GALNTL6: variants seen among roughly 807,000 people sequenced by gnomAD.
The protein encoded by GALNTL6 is polypeptide N-acetylgalactosaminyltransferase like 6.
GALNTL6 carries 46 observed loss-of-function variants against 73.7 expected under a neutral mutation model. The observed-to-expected ratio is 0.62, with a 90% confidence interval of 0.49 to 0.80. The LOEUF is 0.80. Among genes scored for constraint, GALNTL6 ranks in the 30% least tolerant of loss-of-function variants. The pLI is 0.00. For synonymous variants in GALNTL6, 259 were observed against 263.7 expected, an observed-to-expected ratio of 0.98 and a Z score of 0.17; for missense variants, 604 against 755.0, an observed-to-expected ratio of 0.80 and a Z score of 2.34.
At chr4:172,833,492 A>G (rs1270106201) in intron 7 of GALNTL6, among the ~76,000 whole-genome samples, 2 of 152,124 alleles carry the variant, frequency 1.3e-5, no homozygotes, top group Non-Finnish European at 2.9e-5. Flanking sequence ...ACCCCTCCAT[A>G]GCTCCAATAA....
chr4:172,236,080 A>G (rs1347577729), intron 3 of GALNTL6, among the ~76,000 whole-genome samples: 2 of 152,140 alleles, frequency 1.3e-5, no homozygotes, highest in Non-Finnish European at 2.9e-5. Context: ...TAGAATAAGC[A>G]TTTTGGAAAC....
intron 5 of GALNTL6, among the ~76,000 whole-genome samples, chr4:172,726,695 A>T (rs1735832144): frequency 6.6e-6 from 1 of 152,234 alleles, no homozygotes; most frequent in Admixed American, 6.5e-5. Flanking sequence ...ATGGAAGCTT[A>T]TCATGATCCA....
At chr4:172,133,695 C>A (rs73868018) in intron 2 of GALNTL6, among the ~76,000 whole-genome samples, 1,625 of 152,274 alleles carry the variant, frequency 0.011, 31 homozygotes, top group African/African-American at 0.036. Flanking sequence ...ACCAGGGCTT[C>A]TTTAGTCAGT....
At chr4:171,876,385 A>G (rs1033228295) in intron 2 of GALNTL6, among the ~76,000 whole-genome samples, 3 of 152,218 alleles carry the variant, frequency 2.0e-5, no homozygotes, top group African/African-American at 7.2e-5. Flanking sequence ...TTTTCAAATA[A>G]TAAGTACTAC....
intron 2 of GALNTL6, among the ~76,000 whole-genome samples, chr4:172,106,070 C>A (rs777147707): frequency 6.6e-6 from 1 of 152,096 alleles, no homozygotes; most frequent in Non-Finnish European, 1.5e-5. Context: ...GGGTGTTAAA[C>A]ACAGATGTGA....
intron 10 of GALNTL6, among the ~76,000 whole-genome samples, chr4:173,000,245 C>G (rs983938019): frequency 6.6e-6 from 1 of 152,122 alleles, no homozygotes; most frequent in African/African-American, 2.4e-5. Flanking sequence ...CCATGCAGCC[C>G]TACTAAATGG....
At chr4:171,960,285 AT>A (rs368283405) in intron 2 of GALNTL6, among the ~76,000 whole-genome samples, 1 of 151,664 alleles carries the variant, frequency 6.6e-6, no homozygotes, top group Non-Finnish European at 1.5e-5. Flanking sequence ...TTTTTCTCTT[AT>A]TTTTTTTGGA....
chr4:172,354,453 A>G (rs944024150), intron 5 of GALNTL6, among the ~76,000 whole-genome samples: 2 of 152,072 alleles, frequency 1.3e-5, no homozygotes, highest in African/African-American at 2.4e-5. Flanking sequence ...ATAAAAGTTA[A>G]ATGTGCAGAT....
At chr4:171,982,520 G>A (rs1009721383) in intron 2 of GALNTL6, among the ~76,000 whole-genome samples, 1 of 151,954 alleles carries the variant, frequency 6.6e-6, no homozygotes. Flanking sequence ...GGATGGTCTT[G>A]ATCTCCTGAC....
intron 8 of GALNTL6, among the ~76,000 whole-genome samples, chr4:172,890,925 A>G (rs1041122765): frequency 6.6e-6 from 1 of 152,140 alleles, no homozygotes; most frequent in African/African-American, 2.4e-5. Flanking sequence ...GAATTCAACC[A>G]TTTGTCATTA....
At chr4:172,821,448 T>C (rs1361343538) in intron 7 of GALNTL6, among the ~76,000 whole-genome samples, 1 of 152,176 alleles carries the variant, frequency 6.6e-6, no homozygotes, top group South Asian at 2.1e-4. Flanking sequence ...TGAAGTAGTT[T>C]TGTCAATTAA....
intron 5 of GALNTL6, among the ~76,000 whole-genome samples, chr4:172,481,938 C>A (rs1250173205): frequency 6.6e-6 from 1 of 152,206 alleles, no homozygotes; most frequent in Non-Finnish European, 1.5e-5. Flanking sequence ...GAGCAGGGGG[C>A]AGTGCCCGTC....
chr4:172,805,378 C>T (rs985690739), intron 5 of GALNTL6, among the ~76,000 whole-genome samples: 1 of 152,122 alleles, frequency 6.6e-6, no homozygotes, highest in African/African-American at 2.4e-5. Context: ...TTGGTATTCA[C>T]AGTAACATGA....
intron 2 of GALNTL6, among the ~76,000 whole-genome samples, chr4:172,153,722 AATC>A (rs1160270938): frequency 6.6e-6 from 1 of 152,216 alleles, no homozygotes. Context: ...TTGTGAATTT[AATC>A]ATCTTGTACA....
intron 5 of GALNTL6, among the ~76,000 whole-genome samples, chr4:172,787,125 G>T (rs1380493145): frequency 2.0e-5 from 3 of 152,100 alleles, no homozygotes; most frequent in Non-Finnish European, 4.4e-5. Flanking sequence ...AAAATTCCAG[G>T]AAATGCTGCC....
intron 2 of GALNTL6, among the ~76,000 whole-genome samples, chr4:171,968,254 C>G (rs1295347875): frequency 6.6e-6 from 1 of 152,100 alleles, no homozygotes; most frequent in Non-Finnish European, 1.5e-5. Context: ...TGACTTCACA[C>G]AACAGAAGTG....
chr4:172,252,697 G>T (rs968356395), intron 3 of GALNTL6, among the ~76,000 whole-genome samples: 2 of 152,058 alleles, frequency 1.3e-5, no homozygotes, highest in Non-Finnish European at 2.9e-5. Flanking sequence ...GAGTAAGAAT[G>T]TTCTAATGGT....
At chr4:172,091,717 CACAA>C (rs1325029975) in intron 2 of GALNTL6, among the ~76,000 whole-genome samples, 3 of 152,144 alleles carry the variant, frequency 2.0e-5, no homozygotes, top group Admixed American at 6.6e-5. Flanking sequence ...TAAGAATACT[CACAA>C]ACAGTTTCTG....
At chr4:172,053,070 A>T (rs1730922983) in intron 2 of GALNTL6, among the ~76,000 whole-genome samples, 1 of 151,580 alleles carries the variant, frequency 6.6e-6, no homozygotes, top group South Asian at 2.1e-4. Flanking sequence ...TAAATAGGAC[A>T]AAAATAAAAT....
Sources: gnomAD v4.1 joint callset for allele counts (sites outside exome capture counted in the v4.1 genomes callset) on GRCh38, gnomAD v4.1.1 for gene constraint, MANE v1.5 for transcripts, NCBI Gene and HGNC (gene_info 2026-07-23, HGNC 2026-07-21) for gene names.